The following TAMALIN variants were observed in gnomAD, a reference collection of about 807,000 sequenced individuals.
TAMALIN encodes trafficking regulator and scaffold protein tamalin.
TAMALIN carries 9 observed loss-of-function variants against 38.5 expected under a neutral mutation model. The observed-to-expected ratio is 0.23, with a 90% CI of 0.14 to 0.41. The LOEUF (loss-of-function observed/expected upper bound fraction) is 0.41, where lower values mean the gene tolerates loss of function less well. Ranked by LOEUF, TAMALIN falls within the 10% of genes least tolerant of loss-of-function variation. The pLI, the probability that TAMALIN is intolerant of heterozygous loss-of-function variation, is 1.00. For synonymous variants in TAMALIN, 306 were observed against 256.5 expected (o/e 1.19, Z -1.85); for missense variants, 548 against 554.1 (o/e 0.99, Z 0.11).
At chr12:52,009,302 G>A in intron 2 of TAMALIN, 63 bp downstream of exon 2, 1 of 1,485,046 alleles carries the variant, frequency 6.7e-7, no homozygotes, top group Non-Finnish European at 9.4e-7. Flanking sequence ...GTTGGGGGGT[G>A]CCAGGACAGC....
chr12:52,007,805 G>T lies in TAMALIN; in HGVS notation c.246+540G>T. 1 of 985,430 alleles carries T rather than the reference G, an allele frequency of 1.0e-6. No homozygotes were observed. The highest frequency in any genetic ancestry group is 1.2e-6 in the Non-Finnish European group (1 of 829,926). 61.0% of individuals were successfully genotyped at this position (985,430 alleles called of 1,614,324 possible). ...CTGGGGGCCTGCCGCCTGGCCCCAC[G>T]TCTGACGTACGGGGCGCGAGGGCCA... On this transcript the variant is annotated intron_variant, in intron 1 of 7. Transcript: ENST00000293662. The surrounding 1 kb of genome is among the most constrained non-coding windows in gnomAD (Gnocchi z 6.7).
Position 52,014,727 on chromosome 12 carries a change from C to G in TAMALIN, c.716C>G (p.Thr239Arg). The G allele has an allele frequency of 1.3e-6, 2 of 1,519,186 alleles. No homozygotes were observed. Among genetic ancestry groups the G allele is most frequent in the South Asian group, 2.5e-5 (2 of 78,970 alleles). 94.1% of individuals were successfully genotyped at this position (1,519,186 alleles called of 1,614,324 possible). The change falls in exon 8 of 8, where the codon ACG becomes AGG. Residue 239 changes from threonine to arginine, a missense_variant. Physicochemically the swap from Thr to Arg is moderately conservative, Grantham distance 71. Transcript: ENST00000293662. ...GTGAAGGACCCCAGCATCTACGACACGCTGGAGTCGGTGCGCTCCTGCCTC... is the reference window on the plus strand; with the variant it reads ...GTGAAGGACCCCAGCATCTACGACAGGCTGGAGTCGGTGCGCTCCTGCCTC... The part of the protein sequence containing the change: ...LVVKDPSIYD[T>R]LESVRSCLYG...
chr12:52,011,349 T>C lies in TAMALIN; in HGVS notation c.454+208T>C. The C allele has an allele frequency of 1.3e-6, 1 of 768,514 alleles. No individual in the cohort carries two copies. Among genetic ancestry groups the C allele is most frequent in the Non-Finnish European group, 2.1e-6 (1 of 472,258 alleles). 47.6% of individuals were successfully genotyped at this position (768,514 alleles called of 1,614,324 possible). ...ATCTTGCACAGCCCCATCTACAAAATGAGGGTAATAATGCATCCAAACATC... is the reference window on the plus strand; with the variant it reads ...ATCTTGCACAGCCCCATCTACAAAACGAGGGTAATAATGCATCCAAACATC... On this transcript the variant is annotated intron_variant, in intron 4 of 7. Transcript: ENST00000293662. This position sits in a 1 kb window ranked among gnomAD's most constrained non-coding sequence, Gnocchi z 5.3.
rs550451501 is a variant in TAMALIN, at chr12:52,007,693, C to A, written c.246+428C>A. 1.0e-6 allele frequency: 1 copy of A among 985,406 alleles called. No homozygotes were observed. Among genetic ancestry groups the A allele is most frequent in the African/African-American group, 1.7e-5 (1 of 57,360 alleles). The allele number at this position is 985,406 out of a possible 1,614,324, so 61.0% of individuals were successfully genotyped here. ...GGGAGAAGCGGGCCGGTGGCTGCGC[C>A]GCGTGCGTTCTCACTCTGAGGAAGT... On this transcript the variant is annotated intron_variant, in intron 1 of 7. Transcript: ENST00000293662. This position sits in a 1 kb window ranked among gnomAD's most constrained non-coding sequence, Gnocchi z 6.7.
Position 52,007,242 on chromosome 12 carries a change from G to A in TAMALIN, c.223G>A (p.Gly75Arg). 3 of 1,416,540 alleles carry A rather than the reference G, an allele frequency of 2.1e-6. No homozygotes were observed. Among genetic ancestry groups the A allele is most frequent in the Non-Finnish European group, 1.8e-6 (2 of 1,089,272 alleles). 87.7% of individuals were successfully genotyped at this position (1,416,540 alleles called of 1,614,324 possible). A position where few individuals can be genotyped will look rare whatever the true frequency, so the allele number is the denominator to read the frequency against. The change falls in exon 1 of 8, where the codon GGG becomes AGG. Residue 75 changes from glycine to arginine, a missense_variant. Coordinates refer to ENST00000293662, the MANE Select transcript of TAMALIN (RefSeq NM_181711.4). This position sits in a 1 kb window ranked among gnomAD's most constrained non-coding sequence, Gnocchi z 6.7. Reference protein sequence around the residue: ...AELYRALAVSGGTLPRRKGSG... With the variant: ...AELYRALAVSRGTLPRRKGSG... ...GCTGTACCGCGCGCTCGCCGTGTCC[G>A]GGGGCACCCTGCCCCGCCGAAAGGT...
chr12:52,009,710 C>T (rs1447735875), intron 2 of TAMALIN, among the ~76,000 whole-genome samples: 2 of 152,218 alleles, frequency 1.3e-5, no homozygotes, highest in African/African-American at 4.8e-5. Context: ...TGGCAGCCCT[C>T]TTAGGAGGGA....
In TAMALIN at chr12:52,007,246, G is replaced by T; in HGVS notation, c.227G>T (p.Gly76Val). ...TACCGCGCGCTCGCCGTGTCCGGGG[G>T]CACCCTGCCCCGCCGAAAGGTGCGT... is the stretch of plus-strand genomic sequence containing the variant. ...ELYRALAVSG[G>V]TLPRRKGSGF... Residue 76 changes from glycine to valine, a missense_variant, in exon 1 of 8, where the codon GGC becomes GTC. Transcript: ENST00000293662. This position sits in a 1 kb window ranked among gnomAD's most constrained non-coding sequence, Gnocchi z 6.7. 2.1e-6 allele frequency: 3 copies of T among 1,413,506 alleles called. No individual in the cohort carries two copies. Among genetic ancestry groups the T allele is most frequent in the South Asian group, 1.6e-5 (1 of 61,722 alleles). The allele number at this position is 1,413,506 out of a possible 1,614,324, so 87.6% of individuals were successfully genotyped here.
intron 2 of TAMALIN, among the ~76,000 whole-genome samples, chr12:52,010,105 G>C (rs1169603081): frequency 6.6e-6 from 1 of 152,212 alleles, no homozygotes; most frequent in Non-Finnish European, 1.5e-5. Context: ...TTCAGAGTGA[G>C]AGGGGCTCGA....
chr12:52,010,565 A>C, intron 2 of TAMALIN: 1 of 1,176,456 alleles, frequency 8.5e-7, no homozygotes, highest in South Asian at 1.8e-5. Flanking sequence ...GCTAGTCAGT[A>C]AGTGGTACTG....
intron 1 of TAMALIN, chr12:52,008,711 A>G (rs542855855): frequency 1.0e-6 from 1 of 985,376 alleles, no homozygotes; most frequent in South Asian, 4.7e-5. Flanking sequence ...TAGCTGAGAA[A>G]TTAGATGGAG....
intron 2 of TAMALIN, chr12:52,010,371 A>C (rs1237171279): frequency 3.4e-6 from 1 of 291,554 alleles, no homozygotes; most frequent in Non-Finnish European, 5.2e-6. Flanking sequence ...TCAGTGCGGG[A>C]AGGGGCGGCC....
chr12:52,015,104 C>G lies in TAMALIN; in HGVS notation c.1093C>G (p.Leu365Val), dbSNP rs7974426. Residue 365 changes from leucine to valine, a missense_variant, in exon 8 of 8, where the codon CTG (leucine) becomes GTG (valine). Transcript: ENST00000293662. Reference protein sequence around the residue: ...AREQALCGPGLRKTKYRSFRR... With the variant: ...AREQALCGPGVRKTKYRSFRR... ...CGAGCAGGCCCTATGCGGCCCCGGC[C>G]TGCGCAAAACCAAGTACCGCAGCTT... The G allele has an allele frequency of 0.029, 46,032 of 1,572,556 alleles. 803 individuals are homozygous for G. The highest frequency in any genetic ancestry group is 0.034 in the Non-Finnish European group (39,224 of 1,167,470).
At chr12:52,013,625 T>A in intron 4 of TAMALIN, 62 bp from the exon 5 acceptor site, 1 of 1,430,148 alleles carries the variant, frequency 7.0e-7, no homozygotes, top group African/African-American at 1.4e-5. Flanking sequence ...CTGGCTAAGG[T>A]AGGAGGCTGG....
intron 6 of TAMALIN, 22 bp downstream of exon 6, chr12:52,013,965 C>A (rs773080988): frequency 6.2e-7 from 1 of 1,611,274 alleles, no homozygotes; most frequent in Non-Finnish European, 8.5e-7. Context: ...TAGATAACGT[C>A]CAGCCTCCAC....
In TAMALIN at chr12:52,009,257, A is replaced by G. The variant is rs1592271385; in HGVS notation, c.296+18A>G. 6 of 1,613,304 alleles carry G rather than the reference A, an allele frequency of 3.7e-6. No individual in the cohort carries two copies. In the East Asian group the frequency reaches 6.7e-5, roughly 18 times the overall value. On this transcript the variant is annotated intron_variant, in intron 2 of 7. Coordinates refer to ENST00000293662, the MANE Select transcript of TAMALIN (RefSeq NM_181711.4). ...CAGCAGCGGTGAGTCACCAACACCC[A>G]GCCCCTGCCATGGTCCAAAGGGGTG...
At position 52,014,716 on chromosome 12, in the gene TAMALIN, C is replaced by G; in HGVS notation, c.705C>G (p.Ser235Arg). ...LVHGLVVKDP[S>R]IYDTLESVRS... ...CAGGCCTGGTGGTGAAGGACCCCAG[C>G]ATCTACGACACGCTGGAGTCGGTGC... Residue 235 changes from serine to arginine, a missense_variant, in exon 8 of 8, where the codon AGC becomes AGG. By Grantham distance (110) the Ser-to-Arg change is moderately radical. Around this residue, in one of 3 missense-constraint regions of TAMALIN, gnomAD observed 415 missense variants for 417.0 expected, o/e 1.00. Coordinates refer to ENST00000293662, the MANE Select transcript of TAMALIN (RefSeq NM_181711.4). The G allele has an allele frequency of 6.6e-7, 1 of 1,513,028 alleles. No homozygotes were observed. The highest frequency in any genetic ancestry group is 8.7e-7 in the Non-Finnish European group (1 of 1,144,940). The allele number at this position is 1,513,028 out of a possible 1,614,324, so 93.7% of individuals were successfully genotyped here.
intron 7 of TAMALIN, 90 bp from the exon 8 acceptor site, chr12:52,014,603 CG>C (rs1937741114): frequency 3.1e-6 from 3 of 975,904 alleles, no homozygotes; most frequent in Non-Finnish European, 1.5e-6. Context: ...CAGGACGGAG[CG>C]GGGACGCCCC....
At position 52,014,740 on chromosome 12, in the gene TAMALIN, G is replaced by T; in HGVS notation, c.729G>T (p.Val243=). The stretch of plus-strand genomic sequence containing the variant: ...GCATCTACGACACGCTGGAGTCGGT[G>T]CGCTCCTGCCTCTACGGCGCGGGCC... ...DPSIYDTLES[V]RSCLYGAGLL... Residue 243 remains valine, a synonymous_variant, in exon 8 of 8, where the codon GTG becomes GTT. Coordinates refer to ENST00000293662, the MANE Select transcript of TAMALIN (RefSeq NM_181711.4). 6.6e-7 allele frequency: 1 copy of T among 1,521,588 alleles called. No individual in the cohort carries two copies. Among genetic ancestry groups the T allele is most frequent in the South Asian group, 1.2e-5 (1 of 80,058 alleles). 94.3% of individuals were successfully genotyped at this position (1,521,588 alleles called of 1,614,324 possible).
Position 52,015,433 on chromosome 12 carries a change from G to A in TAMALIN, c.*234G>A, listed in dbSNP as rs1246908468. 9.9e-6 allele frequency: 5 copies of A among 503,756 alleles called. No individual in the cohort carries two copies. The highest frequency in any genetic ancestry group is 1.7e-5 in the Non-Finnish European group (5 of 286,054). 31.2% of individuals were successfully genotyped at this position (503,756 alleles called of 1,614,324 possible). A position where few individuals can be genotyped will look rare whatever the true frequency, so the allele number is the denominator to read the frequency against. ...GGGAGCTGGGGCAGGGGGAGAGCCA[G>A]GCAATCGGGGGCCAAAGATGGGGGT... On this transcript the variant is annotated 3_prime_UTR_variant, in exon 8 of 8. Transcript: ENST00000293662.
Sources: allele counts gnomAD v4.1 joint callset (sites outside exome capture counted in the v4.1 genomes callset), GRCh38; gene constraint gnomAD v4.1.1; regional missense constraint gnomAD v4.1.1; non-coding constraint Gnocchi (gnomAD v3.1); transcripts MANE v1.5; gene names NCBI Gene and HGNC (gene_info 2026-07-23, HGNC 2026-07-21).